Variants in GALNT13 observed in about 807,000 individuals in gnomAD.
GALNT13 encodes the protein polypeptide N-acetylgalactosaminyltransferase 13.
A neutral mutation model predicts 64.2 loss-of-function variants in GALNT13; 28 were observed. The ratio of observed to expected loss-of-function variants is 0.44; its 90% CI spans 0.32 to 0.60. The LOEUF (loss-of-function observed/expected upper bound fraction) is 0.60. Among genes scored for constraint, GALNT13 ranks in the 20% least tolerant of loss-of-function variants. The pLI, the probability that GALNT13 is intolerant of heterozygous loss-of-function variation, is 0.05. For missense variants in GALNT13, 577 were observed against 669.8 expected (o/e 0.86, Z 1.53); for synonymous variants, 214 against 224.6 (o/e 0.95, Z 0.42).
chr2:153,495,834 A>G, the GALNT13 span, among the ~76,000 whole-genome samples: 1 of 152,214 alleles, frequency 6.6e-6, no homozygotes, highest in Non-Finnish European at 1.5e-5. Flanking sequence ...TGTGTAATAC[A>G]CATTGGTCAA....
At position 154,242,607 on chromosome 2, in the gene GALNT13, CTG is replaced by C. The variant is rs532958580; in HGVS notation, c.479-85_479-84del. 616 of 783,452 alleles carry C rather than the reference CTG, an allele frequency of 7.9e-4. 4 individuals carry two copies. The African/African-American group carries it at 0.01, about 13-fold the overall frequency. The allele number at this position is 783,452 out of a possible 1,614,324, so 48.5% of individuals were successfully genotyped here. On this transcript the variant is annotated intron_variant, in intron 5 of 12. Coordinates refer to ENST00000392825, the MANE Select transcript of GALNT13 (RefSeq NM_052917.4). ...TACTGATAGGAATTGGCCACCATTT[CTG>C]TGTGTTGAATTTCCATCTTGGTAGT...
Position 154,070,834 on chromosome 2 carries a change from T to C in GALNT13, c.143-69503T>C, listed in dbSNP as rs1574449064. ...TGGGAGGCTGAGGCAGGAGAATTGC[T>C]TGAACCCAGGAGACAGGTTGCAGTG... On this transcript the variant is annotated intron_variant, in intron 3 of 12. Transcript: ENST00000392825. Among the ~76,000 whole-genome samples the C allele has an allele frequency of 2.0e-5, 3 of 151,954 alleles. No individual in the cohort carries two copies. The South Asian group carries it at 6.2e-4, about 32-fold the overall frequency.
intron 3 of GALNT13, among the ~76,000 whole-genome samples, chr2:154,054,937 G>A (rs181239433): frequency 6.6e-6 from 1 of 151,912 alleles, no homozygotes; most frequent in Non-Finnish European, 1.5e-5. Context: ...CTTGTTCAGT[G>A]TCTAATTATG....
chr2:154,270,697 G>A (rs574363751), intron 8 of GALNT13, among the ~76,000 whole-genome samples: 85 of 151,782 alleles, frequency 5.6e-4, no homozygotes, highest in African/African-American at 1.7e-3. Context: ...AAATAAAATT[G>A]CACTGAACCT....
At chr2:153,660,792 A>G in the GALNT13 span, among the ~76,000 whole-genome samples, 1 of 151,974 alleles carries the variant, frequency 6.6e-6, no homozygotes, top group Non-Finnish European at 1.5e-5. Context: ...GAGAGAAAAG[A>G]GCAAGAGGTA....
chr2:154,415,466 A>G (rs1356931550), intron 11 of GALNT13, among the ~76,000 whole-genome samples: 1 of 152,118 alleles, frequency 6.6e-6, no homozygotes, highest in African/African-American at 2.4e-5. Flanking sequence ...GAAACATTCC[A>G]TATAATTTAT....
chr2:154,077,256 G>A (rs1701036746), intron 3 of GALNT13, among the ~76,000 whole-genome samples: 1 of 151,466 alleles, frequency 6.6e-6, no homozygotes, highest in South Asian at 2.1e-4. Context: ...TTTTAGGGGA[G>A]TTTTGATTTG....
chr2:153,180,697 C>T, the GALNT13 span, among the ~76,000 whole-genome samples: 5 of 152,110 alleles, frequency 3.3e-5, no homozygotes, highest in Admixed American at 3.3e-4. Flanking sequence ...AATCTCCTTA[C>T]TCTTAATTGG....
At chr2:153,481,836 T>A in the GALNT13 span, among the ~76,000 whole-genome samples, 1 of 152,194 alleles carries the variant, frequency 6.6e-6, no homozygotes, top group Admixed American at 6.5e-5. Context: ...GATTTTCTCT[T>A]TTTGTACATT....
At chr2:154,081,214 C>T (rs1357938206) in intron 3 of GALNT13, among the ~76,000 whole-genome samples, 3 of 151,706 alleles carry the variant, frequency 2.0e-5, no homozygotes, top group East Asian at 1.9e-4. Flanking sequence ...TCTCCACCCT[C>T]GTACCCTTCC....
intron 3 of GALNT13, among the ~76,000 whole-genome samples, chr2:154,045,754 A>G (rs72868474): frequency 0.071 from 10,852 of 152,226 alleles, 462 homozygotes; most frequent in Middle Eastern, 0.14. Context: ...AAACAAACAA[A>G]CCCTTCCTCC....
At chr2:153,334,160 C>T in the GALNT13 span, among the ~76,000 whole-genome samples, 1 of 152,184 alleles carries the variant, frequency 6.6e-6, no homozygotes, top group East Asian at 1.9e-4. Context: ...AAAAGTAGGC[C>T]TTGATGACCT....
At chr2:153,377,994 A>G in the GALNT13 span, among the ~76,000 whole-genome samples, 3 of 152,132 alleles carry the variant, frequency 2.0e-5, no homozygotes, top group African/African-American at 7.2e-5. Context: ...AACTTTTGCA[A>G]GTTTTAATCA....
rs571229226 is a variant in GALNT13, at chr2:154,332,712, G to A, written c.1156+31123G>A. Among the ~76,000 whole-genome samples the A allele has an allele frequency of 1.4e-4, 21 of 152,134 alleles. No homozygotes were observed. In the South Asian group the frequency reaches 4.4e-3, roughly 32 times the overall value. Reference sequence around the variant, plus strand: ...AAACTTGCCAGTAGCTGTGGCCAGTGCCTCCTCTTTCCCAGAGAAATGTTA... The same window carrying A: ...AAACTTGCCAGTAGCTGTGGCCAGTACCTCCTCTTTCCCAGAGAAATGTTA... On this transcript the variant is annotated intron_variant, in intron 9 of 12. Coordinates refer to ENST00000392825, the MANE Select transcript of GALNT13 (RefSeq NM_052917.4).
chr2:153,112,095 CTA>C, the GALNT13 span, among the ~76,000 whole-genome samples: 1 of 152,132 alleles, frequency 6.6e-6, no homozygotes, highest in Non-Finnish European at 1.5e-5. Context: ...TTCCCCATTC[CTA>C]TGTTTCCTTC....
At chr2:154,014,635 C>CTTT (rs60950180) in intron 3 of GALNT13, among the ~76,000 whole-genome samples, 13,065 of 77,022 alleles carry the variant, frequency 0.17, 3,432 homozygotes, top group East Asian at 0.68. Flanking sequence ...GATAATTCTC[C>CTTT]TTTTTTTTTT....
the GALNT13 span, among the ~76,000 whole-genome samples, chr2:153,271,919 A>G: frequency 6.6e-6 from 1 of 152,220 alleles, no homozygotes; most frequent in African/African-American, 2.4e-5. Context: ...CAAAACAGAT[A>G]CATAGACCAA....
the GALNT13 span, among the ~76,000 whole-genome samples, chr2:153,292,380 T>G: frequency 6.6e-6 from 1 of 152,210 alleles, no homozygotes; most frequent in Non-Finnish European, 1.5e-5. Context: ...GGGAATCATG[T>G]TAAAAGCTGG....
At chr2:153,907,331 A>G (rs1419922840) in intron 2 of GALNT13, among the ~76,000 whole-genome samples, 1 of 151,812 alleles carries the variant, frequency 6.6e-6, no homozygotes, top group Non-Finnish European at 1.5e-5. Context: ...ACACACACAC[A>G]TATAATTATA....
Sources: gnomAD v4.1 joint callset for allele counts (sites outside exome capture counted in the v4.1 genomes callset) on GRCh38, gnomAD v4.1.1 for gene constraint, MANE v1.5 for transcripts, NCBI Gene and HGNC (gene_info 2026-07-23, HGNC 2026-07-21) for gene names.